Variants in TAF13 observed in about 807,000 individuals in gnomAD.
TAF13 encodes the protein transcription initiation factor TFIID subunit 13.
Under a neutral mutation model 18.7 loss-of-function variants are expected in TAF13, and 9 were observed. The observed-to-expected ratio is 0.48, with a 90% CI of 0.29 to 0.84. The LOEUF (loss-of-function observed/expected upper bound fraction) is 0.84, where lower values mean the gene tolerates loss of function less well. Ranked by LOEUF, TAF13 falls within the 40% of genes least tolerant of loss-of-function variation. The pLI is 0.08. For synonymous variants in TAF13, 49 were observed against 44.1 expected (o/e 1.11, Z -0.44); for missense variants, 105 against 146.5 (o/e 0.72, Z 1.46).
At chr1:109,075,882 T>C in intron 1 of TAF13, 39 bp downstream of exon 1, 1 of 1,613,830 alleles carries the variant, frequency 6.2e-7, no homozygotes, top group Non-Finnish European at 8.5e-7. Flanking sequence ...CCCGAAGGAG[T>C]GAAGAAAAGA....
chr1:109,073,951 G>A (rs1325486661), intron 2 of TAF13, among the ~76,000 whole-genome samples: 1 of 151,926 alleles, frequency 6.6e-6, no homozygotes, highest in Non-Finnish European at 1.5e-5. Flanking sequence ...CACCCCGTCT[G>A]GGAGGTGAGG....
chr1:109,073,807 C>T (rs1206931394), intron 2 of TAF13, among the ~76,000 whole-genome samples: 5 of 152,216 alleles, frequency 3.3e-5, no homozygotes, highest in African/African-American at 1.2e-4. Flanking sequence ...AATTGAGGAG[C>T]GTCTCTGCCT....
chr1:109,073,626 C>A (rs932458470), intron 2 of TAF13, among the ~76,000 whole-genome samples: 1 of 152,178 alleles, frequency 6.6e-6, no homozygotes, highest in Non-Finnish European at 1.5e-5. Flanking sequence ...CTCGGCCTCC[C>A]GAGGTGCCGG....
At chr1:109,071,960 ATATATATATATAT>A (rs1557985854) in intron 2 of TAF13, among the ~76,000 whole-genome samples, 44 of 4,784 alleles carry the variant, frequency 9.2e-3, no homozygotes, top group South Asian at 0.063. Flanking sequence ...AAAAGAAAAT[ATATATATATATAT>A]ATACACACAT....
intron 2 of TAF13, among the ~76,000 whole-genome samples, chr1:109,067,859 G>A (rs1170773358): frequency 6.6e-6 from 1 of 152,132 alleles, no homozygotes; most frequent in Non-Finnish European, 1.5e-5. Flanking sequence ...ATTTACCCAA[G>A]GTCACAAAGC....
chr1:109,074,705 G>A (rs1199703579), intron 2 of TAF13, among the ~76,000 whole-genome samples: 2 of 152,056 alleles, frequency 1.3e-5, no homozygotes, highest in Non-Finnish European at 2.9e-5. Flanking sequence ...GCATGAACCC[G>A]GGAGGCGGAG....
chr1:109,066,477 TAAAC>T (rs1171227132), intron 2 of TAF13, among the ~76,000 whole-genome samples: 2 of 152,090 alleles, frequency 1.3e-5, no homozygotes, highest in Non-Finnish European at 2.9e-5. Flanking sequence ...AACCCTAAGG[TAAAC>T]AGTCTTTTCC....
Position 109,064,395 on chromosome 1 carries a change from A to G in TAF13, c.*128T>C. On this transcript the variant is annotated 3_prime_UTR_variant, in exon 4 of 4. Transcript: ENST00000338366. ...CCCTAAAATCAAAGGCATAAAAATAAAGGCTGAAAACTTTGTGTTTCTCCA... is the reference window on the plus strand; with the variant it reads ...CCCTAAAATCAAAGGCATAAAAATAGAGGCTGAAAACTTTGTGTTTCTCCA... 1.1e-6 allele frequency: 1 copy of G among 871,044 alleles called. No homozygotes were observed. The highest frequency in any genetic ancestry group is 1.6e-6 in the Non-Finnish European group (1 of 630,406). 54.0% of individuals were successfully genotyped at this position (871,044 alleles called of 1,614,324 possible).
At chr1:109,070,192 T>G (rs899048920) in intron 2 of TAF13, among the ~76,000 whole-genome samples, 1 of 152,116 alleles carries the variant, frequency 6.6e-6, no homozygotes, top group Non-Finnish European at 1.5e-5. Flanking sequence ...CTTGACTTTT[T>G]CATCTTTCAA....
At chr1:109,075,698 CT>C (rs1664166809) in intron 1 of TAF13, among the ~76,000 whole-genome samples, 1 of 152,164 alleles carries the variant, frequency 6.6e-6, no homozygotes, top group African/African-American at 2.4e-5. Flanking sequence ...GTTTCAGTGT[CT>C]GGCAAATACA....
Position 109,072,317 on chromosome 1 carries a change from T to G in TAF13, c.106+2670A>C, listed in dbSNP as rs117090649. Among the ~76,000 whole-genome samples, 103 of 151,768 alleles carry G rather than the reference T, an allele frequency of 6.8e-4. 1 individual carries two copies. In the East Asian group the frequency reaches 0.018, roughly 27 times the overall value. On this transcript the variant is annotated intron_variant, in intron 2 of 3. Coordinates refer to ENST00000338366, the MANE Select transcript of TAF13 (RefSeq NM_005645.4). ...ACATTTTCATGCTGTGTTCCAGGGCTTGGCCTGGATCATCAGTATTAGTAG... is the reference window on the plus strand; with the variant it reads ...ACATTTTCATGCTGTGTTCCAGGGCGTGGCCTGGATCATCAGTATTAGTAG...
intron 3 of TAF13, among the ~76,000 whole-genome samples, chr1:109,065,697 C>T (rs893790336): frequency 4.6e-5 from 7 of 152,008 alleles, no homozygotes; most frequent in East Asian, 1.9e-4. Flanking sequence ...CCGAGGCTGG[C>T]GGATCACCTG....
chr1:109,074,853 TAAAC>T, intron 2 of TAF13, 130 bp downstream of exon 2: 2 of 691,006 alleles, frequency 2.9e-6, no homozygotes, highest in Admixed American at 5.5e-5. Flanking sequence ...ATTCAAAAGT[TAAAC>T]AGAATTTGAT....
At chr1:109,074,653 G>A (rs1265080133) in intron 2 of TAF13, among the ~76,000 whole-genome samples, 1 of 152,052 alleles carries the variant, frequency 6.6e-6, no homozygotes, top group African/African-American at 2.4e-5. Flanking sequence ...GGTGGCCGGC[G>A]CCAGTAGTCC....
In TAF13 at chr1:109,066,222, C is replaced by G; in HGVS notation, c.117G>C (p.Met39Ile). 6.2e-7 allele frequency: 1 copy of G among 1,606,254 alleles called. No individual in the cohort carries two copies. Among genetic ancestry groups the G allele is most frequent in the South Asian group, 1.1e-5 (1 of 89,540 alleles). The change falls in exon 3 of 4, where the codon ATG becomes ATC. Residue 39 changes from methionine (M) to isoleucine (I), a missense_variant. Met to Ile is a conservative substitution (Grantham distance 10, BLOSUM62 1). Coordinates refer to ENST00000338366, the MANE Select transcript of TAF13 (RefSeq NM_005645.4). ...TCTGGTCATCCCCAAAGCCATACAT[C>G]ATACATCGCACTGTAAAAGAACAAT... ...KRLFSKELRC[M>I]MYGFGDDQNP... is the part of the protein sequence containing the mutation.
At chr1:109,071,553 T>G (rs182484046) in intron 2 of TAF13, among the ~76,000 whole-genome samples, 1 of 151,578 alleles carries the variant, frequency 6.6e-6, no homozygotes, top group African/African-American at 2.4e-5. Context: ...AAGGTTGCAG[T>G]GAGCTATGAT....
At chr1:109,069,236 G>A (rs868129941) in intron 2 of TAF13, among the ~76,000 whole-genome samples, 6 of 152,086 alleles carry the variant, frequency 3.9e-5, no homozygotes, top group South Asian at 4.1e-4. Context: ...CATGTATACA[G>A]TTGTCCCTTA....
chr1:109,069,344 C>T (rs1427191861), intron 2 of TAF13, among the ~76,000 whole-genome samples: 1 of 152,066 alleles, frequency 6.6e-6, no homozygotes, highest in Non-Finnish European at 1.5e-5. Context: ...TGCATATAAG[C>T]TAAATACATC....
intron 2 of TAF13, among the ~76,000 whole-genome samples, chr1:109,073,882 A>T (rs1664126744): frequency 6.6e-6 from 1 of 151,238 alleles, no homozygotes; most frequent in South Asian, 2.1e-4. Flanking sequence ...GGATGTGAGG[A>T]GCGCCTCTGC....
Sources: gnomAD v4.1 joint callset for allele counts (sites outside exome capture counted in the v4.1 genomes callset) on GRCh38, gnomAD v4.1.1 for gene constraint, MANE v1.5 for transcripts, NCBI Gene and HGNC (gene_info 2026-07-23, HGNC 2026-07-21) for gene names.